KRT86: variants seen among roughly 807,000 people sequenced by gnomAD.
KRT86 encodes the protein keratin, type II cuticular Hb6.
In KRT86, 30 loss-of-function variants were observed where a neutral mutation model predicts 41.2. The ratio of observed to expected loss-of-function variants is 0.73; its 90% CI spans 0.54 to 0.99. The LOEUF (loss-of-function observed/expected upper bound fraction) is 0.99. Ranked by LOEUF, KRT86 falls within the 50% of genes least tolerant of loss-of-function variation. The pLI, the probability that KRT86 is intolerant of heterozygous loss-of-function variation, is 0.00. For synonymous variants in KRT86, 238 were observed against 238.1 expected, an observed-to-expected ratio of 1.00 and a Z score of 0.00; for missense variants, 561 against 571.4, an observed-to-expected ratio of 0.98 and a Z score of 0.19.
At position 52,303,146 on chromosome 12, in the gene KRT86, A is replaced by C. The variant is rs58717266; in HGVS notation, c.416A>C (p.Gln139Pro). Reference sequence around the variant, plus strand: ...AACAAACTGCTGGAGACAAAGCTGCAGTTCTACCAGAACCGCGAGTGTTGC... The same window carrying C: ...AACAAACTGCTGGAGACAAAGCTGCCGTTCTACCAGAACCGCGAGTGTTGC... ...QQNKLLETKL[Q>P]FYQNRECCQS... Residue 139 changes from glutamine to proline, a missense_variant, in exon 4 of 11, where the codon CAG becomes CCG. This residue lies in a region of KRT86 where 0 missense variants were observed against 23.0 expected (regional missense o/e 0.00). Coordinates refer to ENST00000423955, the MANE Select transcript of KRT86 (RefSeq NM_001320198.2). 0.14 allele frequency: 63,001 copies of C among 449,948 alleles called. 21 individuals carry two copies. The highest frequency in any genetic ancestry group is 0.17 in the Non-Finnish European group (42,955 of 258,644). 27.9% of individuals were successfully genotyped at this position (449,948 alleles called of 1,614,324 possible).
At chr12:52,307,759 G>C (rs1300654327) in intron 9 of KRT86, among the ~76,000 whole-genome samples, 1 of 152,218 alleles carries the variant, frequency 6.6e-6, no homozygotes, top group Non-Finnish European at 1.5e-5. Flanking sequence ...AGACAAAAAT[G>C]TCTACCCTCC....
At chr12:52,276,267 C>T (rs1383411750) in intron 2 of KRT86, among the ~76,000 whole-genome samples, 1 of 152,142 alleles carries the variant, frequency 6.6e-6, no homozygotes, top group East Asian at 1.9e-4. Context: ...TACATTTGAG[C>T]CCATCTTCAG....
Position 52,284,139 on chromosome 12 carries a change from T to C in KRT86, c.-5+8193T>C, listed in dbSNP as rs114921803. On this transcript the variant is annotated intron_variant, in intron 2 of 10. Coordinates refer to ENST00000423955, the MANE Select transcript of KRT86 (RefSeq NM_001320198.2). The stretch of plus-strand genomic sequence containing the variant: ...AACTAGGGAGGGATGGAGCTGGTGC[T>C]TGAGTCTCAGGTCTGGACTCCTGAC... Among the ~76,000 whole-genome samples, 915 of 152,284 alleles carry C rather than the reference T, an allele frequency of 6.0e-3. 9 individuals carry two copies. Among genetic ancestry groups the C allele is most frequent in the African/African-American group, 0.021 (855 of 41,554 alleles).
chr12:52,304,848 C>T (rs1209340484), intron 5 of KRT86, 84 bp from the exon 6 acceptor site: 14 of 1,461,280 alleles, frequency 9.6e-6, no homozygotes, highest in African/African-American at 1.4e-5. Flanking sequence ...TTTCCCCAGG[C>T]TTCATGGAAT....
At chr12:52,294,496 G>A (rs1365976026) in intron 2 of KRT86, among the ~76,000 whole-genome samples, 1 of 151,786 alleles carries the variant, frequency 6.6e-6, no homozygotes, top group Non-Finnish European at 1.5e-5. Flanking sequence ...GGGGAGGGAA[G>A]GTGGCAGGGA....
intron 1 of KRT86, 125 bp downstream of exon 1, chr12:52,274,847 C>A: frequency 2.4e-6 from 1 of 412,534 alleles, no homozygotes; most frequent in Non-Finnish European, 3.3e-6. Context: ...GGGAACACAG[C>A]AGAAATTGAG....
chr12:52,308,554 G>A lies in KRT86; in HGVS notation c.1430G>A (p.Gly477Asp), dbSNP rs1283057014. 6.3e-7 allele frequency: 1 copy of A among 1,599,888 alleles called. No individual in the cohort carries two copies. Among genetic ancestry groups the A allele is most frequent in the Non-Finnish European group, 8.5e-7 (1 of 1,179,802 alleles). Reference protein sequence around the residue: ...TNACAPSARVGVCGGSCKRC With the variant: ...TNACAPSARVDVCGGSCKRC ...GCCTGCGCCCCCTCCGCCCGGGTTG[G>A]CGTCTGCGGCGGCAGCTGTAAGAGG... Residue 477 changes from glycine to aspartate, a missense_variant, in exon 11 of 11, where the codon GGC (glycine) becomes GAC (aspartate). This residue lies in a region of KRT86 where 397 missense variants were observed against 375.9 expected (regional missense o/e 1.06). Transcript: ENST00000423955.
intron 6 of KRT86, 31 bp from the exon 7 acceptor site, chr12:52,305,209 C>T: frequency 6.2e-7 from 1 of 1,614,156 alleles, no homozygotes; most frequent in Non-Finnish European, 8.5e-7. Context: ...GCTGTGTTCT[C>T]AACTAAAGTC....
rs765348086 is a variant in KRT86, at chr12:52,301,982, C to T, written c.66C>T (p.Pro22=). 2.5e-6 allele frequency: 4 copies of T among 1,613,218 alleles called. No individual in the cohort carries two copies. Residue 22 remains proline (P), a synonymous_variant, in exon 3 of 11, where the codon CCC becomes CCT. Coordinates refer to ENST00000423955, the MANE Select transcript of KRT86 (RefSeq NM_001320198.2). Reference sequence around the variant, plus strand: ...GCATCTCGGCCTGCGGGCCCCGGCCCGGCCGCTGCTGCATCACCGCCGCCC... The same window carrying T: ...GCATCTCGGCCTGCGGGCCCCGGCCTGGCCGCTGCTGCATCACCGCCGCCC... ...FSCISACGPR[P]GRCCITAAPY...
rs1386573002 is a variant in KRT86 at position 52,305,698 on chromosome 12, G to A, written c.936G>A (p.Gly312=). Residue 312 remains glycine (G), a synonymous_variant, in exon 8 of 11, where the codon GGG becomes GGA. Transcript: ENST00000423955. ...EEMKATVIRH[G]ETLRRTKEEI... ...TGAAGGCCACGGTGATCAGGCACGG[G>A]GAGACCCTGCGCCGCACCAAGGAGG... 57 of 1,613,996 alleles carry A rather than the reference G, an allele frequency of 3.5e-5. No individual in the cohort carries two copies. The highest frequency in any genetic ancestry group is 4.5e-5 in the Non-Finnish European group (53 of 1,179,978).
intron 2 of KRT86, chr12:52,291,566 C>T (rs1938127172): frequency 2.0e-6 from 3 of 1,527,654 alleles, no homozygotes; most frequent in Non-Finnish European, 2.7e-6. Context: ...CCTATTTATG[C>T]GCAGATTCTG....
chr12:52,287,374 T>A, intron 2 of KRT86: 1 of 1,606,990 alleles, frequency 6.2e-7, no homozygotes. Flanking sequence ...GTCTCTCTGA[T>A]GCTCATCCAA....
intron 1 of KRT86, chr12:52,275,188 G>T (rs1942540292): frequency 6.6e-6 from 1 of 152,148 alleles, no homozygotes; most frequent in Non-Finnish European, 1.5e-5. Context: ...CAGGCACTGT[G>T]CAAGTGTGAG....
At chr12:52,287,180 T>C (rs372998713) in intron 2 of KRT86, 7 of 1,613,658 alleles carry the variant, frequency 4.3e-6, no homozygotes, top group East Asian at 4.5e-5. Flanking sequence ...CATCACCTCC[T>C]GGTACTCCCT....
At chr12:52,286,187 TG>T in intron 2 of KRT86, 1 of 1,333,216 alleles carries the variant, frequency 7.5e-7, no homozygotes, top group Non-Finnish European at 1.1e-6. Context: ...TCCAGGCGCC[TG>T]GACTGGATGG....
chr12:52,291,616 G>T (rs763773465), intron 2 of KRT86: 645 of 1,239,452 alleles, frequency 5.2e-4, no homozygotes, highest in Non-Finnish European at 6.8e-4. Context: ...GGCAATTTGC[G>T]CTTTATGGGC....
At chr12:52,296,697 T>C (rs11170076) in intron 2 of KRT86, among the ~76,000 whole-genome samples, 2 of 152,130 alleles carry the variant, frequency 1.3e-5, no homozygotes, top group Admixed American at 1.3e-4. Flanking sequence ...TGGCCTGAGG[T>C]CAATTCCATT....
intron 2 of KRT86, chr12:52,287,494 G>C (rs1565740525): frequency 2.5e-6 from 4 of 1,607,180 alleles, no homozygotes; most frequent in East Asian, 2.2e-5. Context: ...ATGGACAAAG[G>C]GGGTGGAGAA....
chr12:52,285,836 C>T, intron 2 of KRT86: 1 of 255,238 alleles, frequency 3.9e-6, no homozygotes, highest in East Asian at 9.7e-5. Flanking sequence ...TGGCCTTTTG[C>T]TGCTCCATGT....
Sources: gnomAD v4.1 joint callset for allele counts (sites outside exome capture counted in the v4.1 genomes callset) on GRCh38, gnomAD v4.1.1 for gene constraint, gnomAD v4.1.1 regional missense constraint, MANE v1.5 for transcripts, NCBI Gene and HGNC (gene_info 2026-07-23, HGNC 2026-07-21) for gene names.